PPL: variants seen among roughly 807,000 people sequenced by gnomAD.
PPL encodes 190 kDa paraneoplastic pemphigus antigen.
A neutral mutation model predicts 194.4 loss-of-function variants in PPL; 198 were observed. The observed-to-expected ratio is 1.02, with a 90% CI of 0.91 to 1.15. PPL has a LOEUF of 1.15. PPL is among the 50% of genes most tolerant of loss of function. The pLI, the probability that PPL is intolerant of heterozygous loss-of-function variation, is 0.00. For synonymous variants in PPL, 1,220 were observed against 972.4 expected, an observed-to-expected ratio of 1.25 and a Z score of -4.74; for missense variants, 2,885 against 2,294.8, an observed-to-expected ratio of 1.26 and a Z score of -5.25.
At position 4,902,934 on chromosome 16, in the gene PPL, C is replaced by T. The variant is rs1466573268; in HGVS notation, c.318-408G>A. Among the ~76,000 whole-genome samples the T allele has an allele frequency of 1.3e-5, 2 of 152,192 alleles. No individual in the cohort carries two copies. The highest frequency in any genetic ancestry group is 2.9e-5 in the Non-Finnish European group (2 of 68,042). On this transcript the variant is annotated intron_variant, in intron 3 of 21. Transcript: ENST00000345988. This position sits in a 1 kb window ranked among gnomAD's most constrained non-coding sequence, Gnocchi z 4.0. ...GAACTCCTGACCTCAGGTGATCCGT[C>T]CGCTTCGGCCTCCCGAAGTGCTGGG... is the stretch of plus-strand genomic sequence containing the variant.
At chr16:4,886,451 C>A (rs1052892227) in intron 21 of PPL, among the ~76,000 whole-genome samples, 1 of 152,230 alleles carries the variant, frequency 6.6e-6, no homozygotes, top group Non-Finnish European at 1.5e-5. Context: ...CAGCTCAGCA[C>A]AGAGAGTGCT....
At chr16:4,889,315 C>T (rs2660240) in intron 18 of PPL, among the ~76,000 whole-genome samples, 18,760 of 130,090 alleles carry the variant, frequency 0.14, 1,509 homozygotes, top group East Asian at 0.29. Flanking sequence ...AGTACAGTGG[C>T]GCGATCTCAG....
At chr16:4,917,657 T>G (rs2088952416) in intron 1 of PPL, among the ~76,000 whole-genome samples, 1 of 152,126 alleles carries the variant, frequency 6.6e-6, no homozygotes, top group Admixed American at 6.6e-5. Context: ...TCCCAGCACT[T>G]TGGGAGGCCG....
At position 4,887,233 on chromosome 16, in the gene PPL, G is replaced by A; in HGVS notation, c.2515-6C>T. On this transcript the variant is annotated splice_polypyrimidine_tract_variant and splice_region_variant and intron_variant, in intron 20 of 21. Coordinates refer to ENST00000345988, the MANE Select transcript of PPL (RefSeq NM_002705.5). ...TTGGCGGCAAGTGCTGCTTCCTGCA[G>A]AGAAGAGGATTAGGAGAGCGGTCAA... 6.2e-7 allele frequency: 1 copy of A among 1,610,312 alleles called. No individual in the cohort carries two copies. The highest frequency in any genetic ancestry group is 8.5e-7 in the Non-Finnish European group (1 of 1,176,616).
chr16:4,905,828 G>C (rs980807453), intron 2 of PPL, among the ~76,000 whole-genome samples: 1 of 152,234 alleles, frequency 6.6e-6, no homozygotes, highest in African/African-American at 2.4e-5. Flanking sequence ...CTGGAGGCCA[G>C]GCACAGTGGC....
At chr16:4,936,695 C>G (rs1271673120) in intron 1 of PPL, among the ~76,000 whole-genome samples, 1 of 152,182 alleles carries the variant, frequency 6.6e-6, no homozygotes, top group African/African-American at 2.4e-5. Flanking sequence ...GTACCCCCAG[C>G]TCAGCTGCCC....
rs1050444808 is a variant in PPL at position 4,890,419 on chromosome 16, A to G, written c.2163-85T>C. 3.5e-6 allele frequency: 5 copies of G among 1,426,938 alleles called. No homozygotes were observed. In the African/African-American group the frequency reaches 7.2e-5, roughly 21 times the overall value. The allele number at this position is 1,426,938 out of a possible 1,614,324, so 88.4% of individuals were successfully genotyped here. On this transcript the variant is annotated intron_variant, in intron 17 of 21. Coordinates refer to ENST00000345988, the MANE Select transcript of PPL (RefSeq NM_002705.5). ...ATTTTTTTTTTTAAAGTGGGAAACA[A>G]CCAAATGTAACAACCAGAAATACCC...
chr16:4,900,714 G>A (rs1039841255), intron 6 of PPL, 116 bp downstream of exon 6: 41 of 1,429,224 alleles, frequency 2.9e-5, no homozygotes, highest in Non-Finnish European at 3.8e-5. Context: ...CTAGGCGTGA[G>A]CCACCATGCC....
Position 4,883,078 on chromosome 16 carries a change from G to C in PPL, c.*306C>G. On this transcript the variant is annotated 3_prime_UTR_variant, in exon 22 of 22. Transcript: ENST00000345988. This position sits in a 1 kb window ranked among gnomAD's most constrained non-coding sequence, Gnocchi z 4.8. Reference sequence around the variant, plus strand: ...TGTCCTTCAGTGGTTTTCAGATTGTGTGCAGTTATCATGAGGAGTTTGTTG... The same window carrying C: ...TGTCCTTCAGTGGTTTTCAGATTGTCTGCAGTTATCATGAGGAGTTTGTTG... 2.8e-6 allele frequency: 1 copy of C among 362,690 alleles called. No individual in the cohort carries two copies. Among genetic ancestry groups the C allele is most frequent in the South Asian group, 2.7e-5 (1 of 36,452 alleles). The allele number at this position is 362,690 out of a possible 1,614,324, so 22.5% of individuals were successfully genotyped here.
At chr16:4,912,307 C>T (rs1198820948) in intron 1 of PPL, among the ~76,000 whole-genome samples, 1 of 152,236 alleles carries the variant, frequency 6.6e-6, no homozygotes, top group Non-Finnish European at 1.5e-5. Context: ...TCACACAACA[C>T]GTGGCCTTTT....
In PPL at chr16:4,888,105, T is replaced by C; in HGVS notation, c.2511A>G (p.Glu837=). 1 of 1,611,576 alleles carries C rather than the reference T, an allele frequency of 6.2e-7. No homozygotes were observed. The highest frequency in any genetic ancestry group is 8.5e-7 in the Non-Finnish European group (1 of 1,177,722). ...CCGCCTGGCCCATGGAACTCACCTCTTCCTTCACTTTGGTGGCAGGAGATT... is the reference window on the plus strand; with the variant it reads ...CCGCCTGGCCCATGGAACTCACCTCCTCCTTCACTTTGGTGGCAGGAGATT... ...RLQSPATKVK[E]EEAALAAKFT... The change falls in exon 20 of 22, where the codon GAA becomes GAG. Residue 837 remains glutamate, a synonymous_variant. Transcript: ENST00000345988.
At chr16:4,889,201 A>AT in intron 18 of PPL, 140 bp from the exon 19 acceptor site, 1 of 406,048 alleles carries the variant, frequency 2.5e-6, no homozygotes, top group Non-Finnish European at 4.1e-6. Context: ...CCTTGTATAC[A>AT]TTTTTATTCA....
intron 1 of PPL, among the ~76,000 whole-genome samples, chr16:4,924,833 A>C (rs1019007064): frequency 6.6e-6 from 1 of 151,560 alleles, no homozygotes; most frequent in African/African-American, 2.4e-5. Context: ...CCAGGCTGCG[A>C]GAGCAGCCAC....
intron 2 of PPL, among the ~76,000 whole-genome samples, chr16:4,908,630 C>T (rs1022300023): frequency 6.6e-5 from 10 of 152,132 alleles, no homozygotes; most frequent in Non-Finnish European, 1.0e-4. Context: ...CTCAACCTTC[C>T]GGGCTTAAGC....
rs532514385 is a variant in PPL at position 4,922,294 on chromosome 16, C to T, written c.63-11345G>A. 9.7e-4 allele frequency among the ~76,000 whole-genome samples: 147 copies of T among 152,304 alleles called. 1 individual carries two copies. Among genetic ancestry groups the T allele is most frequent in the African/African-American group, 3.4e-3 (141 of 41,564 alleles). Reference sequence around the variant, plus strand: ...TGAGAGAACAGATATGGGGTGCTGCCTCTGAGGAGCCCGGCTCTGCCTTGA... The same window carrying T: ...TGAGAGAACAGATATGGGGTGCTGCTTCTGAGGAGCCCGGCTCTGCCTTGA... On this transcript the variant is annotated intron_variant, in intron 1 of 21. Coordinates refer to ENST00000345988, the MANE Select transcript of PPL (RefSeq NM_002705.5).
chr16:4,889,241 G>GTTTTTTTTTTTTTTTT (rs869094472), intron 18 of PPL, among the ~76,000 whole-genome samples, 180 bp from the exon 19 acceptor site: 3 of 66,634 alleles, frequency 4.5e-5, no homozygotes, highest in African/African-American at 1.5e-4. Flanking sequence ...TGTTGTTGTT[G>GTTTTTTTTTTTTTTTT]TTTTTTTTTT....
At chr16:4,899,847 A>C (rs1366031203) in intron 6 of PPL, among the ~76,000 whole-genome samples, 1 of 152,184 alleles carries the variant, frequency 6.6e-6, no homozygotes, top group Non-Finnish European at 1.5e-5. Context: ...CGTCTTATAG[A>C]GGGCTGGAAG....
intron 7 of PPL, 22 bp downstream of exon 7, chr16:4,899,201 G>A: frequency 1.2e-6 from 2 of 1,613,456 alleles, no homozygotes; most frequent in Non-Finnish European, 1.7e-6. Flanking sequence ...CCTCCCTGAT[G>A]CCCCAGGCCC....
rs1271948831 is a variant in PPL, at chr16:4,902,588, G to GC, written c.318-63dup. 2.5e-6 allele frequency: 4 copies of GC among 1,573,712 alleles called. No individual in the cohort carries two copies. The highest frequency in any genetic ancestry group is 3.5e-5 in the Admixed American group (2 of 56,600). On this transcript the variant is annotated intron_variant, in intron 3 of 21. Transcript: ENST00000345988. The surrounding 1 kb of genome is among the most constrained non-coding windows in gnomAD (Gnocchi z 4.0). Reference sequence around the variant, plus strand: ...TGGCACTGCCTGCACCCCAGGAGGGGCCCCCCACCCAGACCCCGGCCTCAG... The same window carrying GC: ...TGGCACTGCCTGCACCCCAGGAGGGGCCCCCCCACCCAGACCCCGGCCTCAG...
Sources: allele counts gnomAD v4.1 joint callset (sites outside exome capture counted in the v4.1 genomes callset), GRCh38; gene constraint gnomAD v4.1.1; non-coding constraint Gnocchi (gnomAD v3.1); transcripts MANE v1.5; gene names NCBI Gene and HGNC (gene_info 2026-07-23, HGNC 2026-07-21).